STAP2: variants seen among roughly 807,000 people sequenced by gnomAD.
The protein encoded by STAP2 is signal transducing adaptor family member 2.
In STAP2, 58 loss-of-function variants were observed where a neutral mutation model predicts 52.7. The observed-to-expected ratio is 1.10, with a 90% CI of 0.89 to 1.37. STAP2 has a LOEUF of 1.37. Ranked by LOEUF, STAP2 falls within the 40% of genes most tolerant of loss-of-function variation. STAP2 has a pLI of 0.00. For synonymous variants in STAP2, 231 were observed against 210.5 expected, an observed-to-expected ratio of 1.10 and a Z score of -0.84; for missense variants, 522 against 519.4, an observed-to-expected ratio of 1.00 and a Z score of -0.05.
chr19:4,326,595 G>C (rs1971795813), intron 9 of STAP2, among the ~76,000 whole-genome samples: 1 of 151,996 alleles, frequency 6.6e-6, no homozygotes, highest in South Asian at 2.1e-4. Flanking sequence ...TCTACCTAAG[G>C]AGATCCTTTG....
At chr19:4,338,591 GAGA>G in intron 1 of STAP2, 58 bp downstream of exon 1, 6 of 476,576 alleles carry the variant, frequency 1.3e-5, no homozygotes, top group Non-Finnish European at 1.2e-5. Flanking sequence ...CAGGGACTCA[GAGA>G]GGTGCCGCAG....
rs763130899 is a variant in STAP2, at chr19:4,328,782, C to T, written c.483G>A (p.Glu161=). The T allele has an allele frequency of 1.9e-5, 30 of 1,611,176 alleles. No individual in the cohort carries two copies. The highest frequency in any genetic ancestry group is 2.5e-5 in the Non-Finnish European group (29 of 1,179,292). ...PSCFLKVSRL[E]AQLLLERYPE... Reference sequence around the variant, plus strand: ...GGTAGCGCTCCAGGAGCAGTTGTGCCTCCAGCCGGCTCACCTTCAGGAAGC... The same window carrying T: ...GGTAGCGCTCCAGGAGCAGTTGTGCTTCCAGCCGGCTCACCTTCAGGAAGC... Residue 161 remains glutamate (E), a synonymous_variant, in exon 6 of 13, where the codon GAG becomes GAA. Transcript: ENST00000594605.
intron 9 of STAP2, among the ~76,000 whole-genome samples, chr19:4,326,171 C>G (rs1403556976): frequency 6.6e-6 from 1 of 152,200 alleles, no homozygotes; most frequent in Non-Finnish European, 1.5e-5. Flanking sequence ...TGCCGGTGCA[C>G]GGACGTATCT....
chr19:4,331,939 GA>G (rs1555733518), intron 4 of STAP2, 82 bp downstream of exon 4: 4 of 1,435,254 alleles, frequency 2.8e-6, no homozygotes, highest in Admixed American at 2.1e-5. Context: ...CTCAAAAAAA[GA>G]AAAAAAGAAA....
At chr19:4,334,237 AGCTTC>A (rs1971938386) in intron 1 of STAP2, among the ~76,000 whole-genome samples, 193 bp from the exon 2 acceptor site, 2 of 152,006 alleles carry the variant, frequency 1.3e-5, no homozygotes, top group Admixed American at 6.6e-5. Context: ...CCCATGGCCC[AGCTTC>A]TGGGTGTCTG....
chr19:4,331,490 C>T (rs966478824), intron 4 of STAP2, among the ~76,000 whole-genome samples: 1 of 151,278 alleles, frequency 6.6e-6, no homozygotes, highest in Admixed American at 6.6e-5. Context: ...ATTAGCCAGG[C>T]GTGGTGGCGG....
chr19:4,330,711 A>ATTTT (rs1210010568), intron 4 of STAP2, among the ~76,000 whole-genome samples: 3 of 117,182 alleles, frequency 2.6e-5, no homozygotes, highest in Non-Finnish European at 5.2e-5. Flanking sequence ...ATGTCAGCTA[A>ATTTT]TTTTTTTTTT....
At position 4,338,668 on chromosome 19, in the gene STAP2, T is replaced by C. The variant is rs781691394; in HGVS notation, c.86A>G (p.Lys29Arg). ...SHYYESFLEK[K>R]GPCDRDYKKF... is the part of the protein sequence containing the mutation. ...CCACCTTACCCGGTCACAGGGCCCC[T>C]TCTTCTCTAGAAAGCTCTCATAGTA... The change falls in exon 1 of 13, where the codon AAG (lysine) becomes AGG (arginine). Residue 29 changes from lysine to arginine, a missense_variant. Physicochemically the swap from Lys to Arg is conservative, Grantham distance 26. Transcript: ENST00000594605. 1 of 1,599,216 alleles carries C rather than the reference T, an allele frequency of 6.3e-7. No homozygotes were observed. Among genetic ancestry groups the C allele is most frequent in the Non-Finnish European group, 8.5e-7 (1 of 1,170,752 alleles).
intron 1 of STAP2, among the ~76,000 whole-genome samples, chr19:4,336,314 CTTTTTTTTTTTT>C (rs978535649): frequency 1.2e-5 from 1 of 83,450 alleles, no homozygotes; most frequent in East Asian, 4.1e-4. Flanking sequence ...TGCACACTGC[CTTTTTTTTTTTT>C]TTTTTTTTTT....
rs1038612601 is a variant in STAP2, at chr19:4,335,099, TCATC to T, written c.103-1059_103-1056del. On this transcript the variant is annotated intron_variant, in intron 1 of 12. Transcript: ENST00000594605. Reference sequence around the variant, plus strand: ...TCCACCCACTCATCCATCCACCCACTCATCCATCCATCCATCCATACATCCATCC... The same window carrying T: ...TCCACCCACTCATCCATCCACCCACTCATCCATCCATCCATACATCCATCC... Among the ~76,000 whole-genome samples the T allele has an allele frequency of 6.0e-5, 8 of 132,694 alleles. No homozygotes were observed. The East Asian group carries it at 7.8e-4, about 13-fold the overall frequency. The allele number at this position is 132,694 out of a possible 152,430, so 87.1% of individuals were successfully genotyped here.
chr19:4,327,677 G>A (rs1402500844), intron 6 of STAP2, among the ~76,000 whole-genome samples: 1 of 151,938 alleles, frequency 6.6e-6, no homozygotes, highest in Non-Finnish European at 1.5e-5. Flanking sequence ...CCTCCAGCGA[G>A]GGACCAGGCC....
chr19:4,324,586 C>G, intron 11 of STAP2, 57 bp from the exon 12 acceptor site: 1 of 1,537,594 alleles, frequency 6.5e-7, no homozygotes, highest in Non-Finnish European at 8.8e-7. Context: ...AATCCCAGCA[C>G]TTTGGGAGGC....
rs371715359 is a variant in STAP2, at chr19:4,325,232, G to T, written c.1056C>A (p.Pro352=). Residue 352 remains proline (P), a synonymous_variant, in exon 11 of 13, where the codon CCC becomes CCA. Coordinates refer to ENST00000594605, the MANE Select transcript of STAP2 (RefSeq NM_001013841.2). ...GACCCCAACCTGGCTTGGGTCCAACGGGTGGCTTTGGAAGCTTGGCAGGAG... is the reference window on the plus strand; with the variant it reads ...GACCCCAACCTGGCTTGGGTCCAACTGGTGGCTTTGGAAGCTTGGCAGGAG... The part of the protein sequence containing the change: ...PKPPAKLPKP[P]VGPKPEPKVF... 9 of 1,595,408 alleles carry T rather than the reference G, an allele frequency of 5.6e-6. No individual in the cohort carries two copies. Among genetic ancestry groups the T allele is most frequent in the Admixed American group, 3.5e-5 (2 of 56,740 alleles).
intron 1 of STAP2, among the ~76,000 whole-genome samples, chr19:4,337,071 C>T (rs1432325307): frequency 6.6e-6 from 1 of 151,966 alleles, no homozygotes; most frequent in Non-Finnish European, 1.5e-5. Flanking sequence ...GAGGCGGGGA[C>T]ATGGGCAGGG....
In STAP2 at chr19:4,328,673, AC is replaced by A. The variant is rs1971837103; in HGVS notation, c.590+1del. The stretch of plus-strand genomic sequence containing the variant: ...CAGGGCTCTCCAGACGCGCATGCGC[AC>A]CCGTTGTGCATCTGCCGCGTGGTGA... On this transcript the variant is annotated splice_donor_variant, in intron 6 of 12. Coordinates refer to ENST00000594605, the MANE Select transcript of STAP2 (RefSeq NM_001013841.2). LOFTEE classifies it high-confidence loss of function. 1.4e-6 allele frequency: 2 copies of A among 1,383,678 alleles called. No individual in the cohort carries two copies. The highest frequency in any genetic ancestry group is 1.9e-6 in the Non-Finnish European group (2 of 1,044,096). 85.7% of individuals were successfully genotyped at this position (1,383,678 alleles called of 1,614,324 possible).
intron 3 of STAP2, among the ~76,000 whole-genome samples, chr19:4,332,580 C>T (rs199892455): frequency 3.3e-5 from 5 of 152,146 alleles, no homozygotes; most frequent in East Asian, 3.9e-4. Flanking sequence ...GGCTCACTCA[C>T]GCCTGTAATC....
chr19:4,333,574 C>A (rs1170481437), intron 3 of STAP2, 120 bp downstream of exon 3: 8 of 1,347,846 alleles, frequency 5.9e-6, no homozygotes, highest in Non-Finnish European at 5.9e-6. Context: ...CCAAGTCTTA[C>A]CCAGGGCCCA....
intron 7 of STAP2, 28 bp from the exon 8 acceptor site, chr19:4,327,254 C>T: frequency 6.2e-7 from 1 of 1,613,856 alleles, no homozygotes; most frequent in Non-Finnish European, 8.5e-7. Context: ...AGCGGTCAGG[C>T]TGCTGGAGAA....
At chr19:4,325,893 TG>T (rs1327565507) in intron 9 of STAP2, among the ~76,000 whole-genome samples, 1 of 150,910 alleles carries the variant, frequency 6.6e-6, no homozygotes, top group African/African-American at 2.4e-5. Context: ...CGCTTGAACC[TG>T]GGAGGGAGAG....
Sources: allele counts gnomAD v4.1 joint callset (sites outside exome capture counted in the v4.1 genomes callset), GRCh38; gene constraint gnomAD v4.1.1; transcripts MANE v1.5; gene names NCBI Gene and HGNC (gene_info 2026-07-23, HGNC 2026-07-21).